NCAM2: variants seen among roughly 807,000 people sequenced by gnomAD.
The protein encoded by NCAM2 is neural cell adhesion molecule 2.
In NCAM2, 30 loss-of-function variants were observed where a neutral mutation model predicts 98.1. The ratio of observed to expected loss-of-function variants is 0.31; its 90% CI spans 0.23 to 0.41. NCAM2 has a LOEUF of 0.41. NCAM2 is among the 10% of genes least tolerant of loss of function. NCAM2 has a pLI of 1.00. For synonymous variants in NCAM2, 368 were observed against 342.4 expected (o/e 1.07, Z -0.83); for missense variants, 867 against 1,005.8 (o/e 0.86, Z 1.87).
intron 1 of NCAM2, among the ~76,000 whole-genome samples, chr21:21,265,245 G>A (rs1176576102): frequency 1.6e-5 from 2 of 124,688 alleles, no homozygotes; most frequent in African/African-American, 5.9e-5. Flanking sequence ...GCATGTGTAT[G>A]TGTATATATA....
At chr21:21,091,936 A>G (rs574108826) in intron 1 of NCAM2, among the ~76,000 whole-genome samples, 4 of 152,254 alleles carry the variant, frequency 2.6e-5, no homozygotes, top group African/African-American at 7.2e-5. Context: ...TGTACTCTAC[A>G]TTAAGTAGGG....
At chr21:21,457,112 G>A (rs904197733) in intron 12 of NCAM2, among the ~76,000 whole-genome samples, 1 of 152,158 alleles carries the variant, frequency 6.6e-6, no homozygotes, top group Admixed American at 6.5e-5. Context: ...TAAGAGTTTT[G>A]CAGTACATGC....
intron 1 of NCAM2, among the ~76,000 whole-genome samples, chr21:21,176,138 C>G (rs903870614): frequency 1.3e-5 from 2 of 152,242 alleles, no homozygotes; most frequent in Non-Finnish European, 2.9e-5. Flanking sequence ...ACAAACTGGG[C>G]TCTTTCAGTT....
intron 1 of NCAM2, among the ~76,000 whole-genome samples, chr21:21,220,554 A>G (rs1363974313): frequency 3.3e-5 from 5 of 152,176 alleles, no homozygotes; most frequent in African/African-American, 9.6e-5. Context: ...TCCAGAAGGT[A>G]TCTCCATCAT....
chr21:21,452,439 T>C (rs918043453), intron 12 of NCAM2, among the ~76,000 whole-genome samples: 1 of 143,684 alleles, frequency 7.0e-6, no homozygotes, highest in Non-Finnish European at 1.5e-5. Context: ...TCATGGAATT[T>C]ACATTGTCGG....
chr21:21,221,803 T>C (rs1259829286), intron 1 of NCAM2, among the ~76,000 whole-genome samples: 1 of 152,176 alleles, frequency 6.6e-6, no homozygotes, highest in Non-Finnish European at 1.5e-5. Flanking sequence ...TTGATGAAGA[T>C]GGCTACAGTA....
chr21:21,436,216 A>C (rs1260027068), intron 12 of NCAM2, among the ~76,000 whole-genome samples: 1 of 152,200 alleles, frequency 6.6e-6, no homozygotes, highest in Non-Finnish European at 1.5e-5. Flanking sequence ...GAAACGTTCT[A>C]CTTTAACCAA....
intron 1 of NCAM2, among the ~76,000 whole-genome samples, chr21:21,082,261 G>A (rs59947301): frequency 0.063 from 7,094 of 112,934 alleles, 659 homozygotes; most frequent in African/African-American, 0.22. Context: ...CTCATGCTTT[G>A]TACCTATCAG....
At chr21:21,405,639 G>C (rs965390386) in intron 9 of NCAM2, among the ~76,000 whole-genome samples, 1 of 152,014 alleles carries the variant, frequency 6.6e-6, no homozygotes, top group Non-Finnish European at 1.5e-5. Context: ...AAGTTTACTT[G>C]TTATGATCAA....
chr21:21,257,179 A>G (rs2071706407), intron 1 of NCAM2, among the ~76,000 whole-genome samples: 1 of 152,210 alleles, frequency 6.6e-6, no homozygotes, highest in Middle Eastern at 3.2e-3. Context: ...AGATTGCCAT[A>G]AACTGTAAAC....
At chr21:21,513,033 A>T (rs991070627) in intron 16 of NCAM2, among the ~76,000 whole-genome samples, 1 of 151,976 alleles carries the variant, frequency 6.6e-6, no homozygotes, top group Non-Finnish European at 1.5e-5. Context: ...CATAAGAAGG[A>T]TTATTTGACT....
At chr21:21,181,633 C>T (rs2068473456) in intron 1 of NCAM2, among the ~76,000 whole-genome samples, 1 of 152,200 alleles carries the variant, frequency 6.6e-6, no homozygotes, top group South Asian at 2.1e-4. Context: ...GGCCTTTACA[C>T]TTTCTGAAAC....
chr21:21,082,289 A>AC (rs1555882225), intron 1 of NCAM2, among the ~76,000 whole-genome samples: 8 of 149,208 alleles, frequency 5.4e-5, no homozygotes, highest in Non-Finnish European at 1.2e-4. Flanking sequence ...AACAAAAAAA[A>AC]AAAAACAAAA....
chr21:21,519,816 A>G (rs1430680594), intron 16 of NCAM2, among the ~76,000 whole-genome samples: 1 of 152,222 alleles, frequency 6.6e-6, no homozygotes, highest in African/African-American at 2.4e-5. Flanking sequence ...TCGGATTTAT[A>G]CTATCTTTTA....
intron 1 of NCAM2, among the ~76,000 whole-genome samples, chr21:21,052,513 T>G (rs909167260): frequency 1.3e-5 from 2 of 151,960 alleles, no homozygotes; most frequent in East Asian, 3.9e-4. Context: ...CTCTAGCATA[T>G]AGTAAAGATT....
chr21:21,468,573 GATTAC>G (rs1984023273), intron 13 of NCAM2, 84 bp from the exon 14 acceptor site: 1 of 1,271,288 alleles, frequency 7.9e-7, no homozygotes, highest in African/African-American at 1.5e-5. Context: ...CATATATTTT[GATTAC>G]ATTACTGTTC....
intron 1 of NCAM2, among the ~76,000 whole-genome samples, chr21:21,263,846 A>G (rs1363574923): frequency 6.6e-6 from 1 of 152,178 alleles, no homozygotes; most frequent in Non-Finnish European, 1.5e-5. Flanking sequence ...AACCACGCAC[A>G]AAAAGTAGCT....
intron 1 of NCAM2, among the ~76,000 whole-genome samples, chr21:21,024,397 A>G (rs1395935361): frequency 6.6e-6 from 1 of 152,138 alleles, no homozygotes; most frequent in Non-Finnish European, 1.5e-5. Context: ...GGGGGAAAAA[A>G]CAGAGAAAAT....
intron 12 of NCAM2, among the ~76,000 whole-genome samples, chr21:21,436,572 A>G (rs1978354118): frequency 6.6e-6 from 1 of 152,082 alleles, no homozygotes; most frequent in Non-Finnish European, 1.5e-5. Context: ...TATAAACTCC[A>G]TGAGTGGACC....
Sources: allele counts gnomAD v4.1 joint callset (sites outside exome capture counted in the v4.1 genomes callset), GRCh38; gene constraint gnomAD v4.1.1; transcripts MANE v1.5; gene names NCBI Gene and HGNC (gene_info 2026-07-23, HGNC 2026-07-21).